The following RIPK4 variants were observed in gnomAD, a reference collection of about 807,000 sequenced individuals.
RIPK4 encodes receptor-interacting serine/threonine-protein kinase 4.
Under a neutral mutation model 42.9 loss-of-function variants are expected in RIPK4, and 17 were observed. The ratio of observed to expected loss-of-function variants is 0.40; its 90% CI spans 0.27 to 0.59. RIPK4 has a LOEUF of 0.59. Ranked by LOEUF, RIPK4 falls within the 20% of genes least tolerant of loss-of-function variation. RIPK4 has a pLI of 0.47. For synonymous variants in RIPK4, 498 were observed against 499.1 expected (o/e 1.00, Z 0.03); for missense variants, 897 against 1,104.4 (o/e 0.81, Z 2.66).
At chr21:41,759,999 G>A (rs2061216038) in intron 1 of RIPK4, among the ~76,000 whole-genome samples, 1 of 152,176 alleles carries the variant, frequency 6.6e-6, no homozygotes, top group Admixed American at 6.5e-5. Flanking sequence ...TCAATTAGAG[G>A]CAACTTCACC....
rs772586294 is a variant in RIPK4, at chr21:41,743,981, C to T, written c.1096G>A (p.Gly366Ser). Residue 366 changes from glycine (G) to serine (S), a missense_variant, in exon 7 of 8, where the codon GGC becomes AGC. Transcript: ENST00000332512. ...ACCCCCGAGAGCCTCTTCCCACTGC[C>T]GGACGATGGCAGCTTGGACTCAGAG... ...SSSESKLPSS[G>S]SGKRLSGVSS... The T allele has an allele frequency of 2.0e-5, 32 of 1,613,346 alleles. No individual in the cohort carries two copies. The highest frequency in any genetic ancestry group is 4.5e-5 in the East Asian group (2 of 44,884).
intron 4 of RIPK4, among the ~76,000 whole-genome samples, chr21:41,748,740 G>A (rs1569102612): frequency 6.6e-6 from 1 of 152,228 alleles, no homozygotes; most frequent in Non-Finnish European, 1.5e-5. Context: ...ACAGAAAGCA[G>A]GTGAGTGGTT....
At chr21:41,747,396 T>C (rs889914216) in intron 4 of RIPK4, among the ~76,000 whole-genome samples, 1 of 152,212 alleles carries the variant, frequency 6.6e-6, no homozygotes, top group African/African-American at 2.4e-5. Context: ...ATTATTATTA[T>C]TGCCACAACT....
chr21:41,744,359 C>G (rs909807031), intron 6 of RIPK4, among the ~76,000 whole-genome samples: 2 of 151,444 alleles, frequency 1.3e-5, no homozygotes, highest in East Asian at 3.9e-4. Flanking sequence ...CACAGCGCCG[C>G]GGAGCTCAGA....
At chr21:41,749,936 T>C (rs1210808487) in intron 3 of RIPK4, among the ~76,000 whole-genome samples, 2 of 146,348 alleles carry the variant, frequency 1.4e-5, no homozygotes, top group African/African-American at 5.1e-5. Flanking sequence ...GTCCGAAAAC[T>C]GAGCCTCCAA....
In RIPK4 at chr21:41,741,301, T is replaced by C. The variant is rs750432272; in HGVS notation, c.1892A>G (p.Asn631Ser). ...TGTCTGTGCCAGCAGGCTGCAGACG[T>C]TGACGTCGGAGCACAGGTCGATGAG... ...RILIDLCSDVNVCSLLAQTPL... is the reference protein window; with the variant it reads ...RILIDLCSDVSVCSLLAQTPL... Residue 631 changes from asparagine (N) to serine (S), a missense_variant, in exon 8 of 8, where the codon AAC becomes AGC. Physicochemically the swap from Asn to Ser is conservative, Grantham distance 46. Coordinates refer to ENST00000332512, the MANE Select transcript of RIPK4 (RefSeq NM_020639.3). 6 of 1,608,300 alleles carry C rather than the reference T, an allele frequency of 3.7e-6. No homozygotes were observed. Among genetic ancestry groups the C allele is most frequent in the South Asian group, 3.3e-5 (3 of 91,040 alleles).
intron 7 of RIPK4, 104 bp downstream of exon 7, chr21:41,743,778 G>T: frequency 7.3e-7 from 1 of 1,377,736 alleles, no homozygotes; most frequent in Non-Finnish European, 9.8e-7. Flanking sequence ...ATTCTTGCTG[G>T]GTCAAGAAAC....
Position 41,744,359 on chromosome 21 carries a change from C to T in RIPK4, c.937-219G>A, listed in dbSNP as rs909807031. Among the ~76,000 whole-genome samples, 20 of 151,566 alleles carry T rather than the reference C, an allele frequency of 1.3e-4. 2 individuals carry two copies. The highest frequency in any genetic ancestry group is 1.1e-3 in the Admixed American group (17 of 15,274). ...CAGACGCCATGTCCACACAGCGCCGCGGAGCTCAGACCCCGCGCCCGCACA... is the reference window on the plus strand; with the variant it reads ...CAGACGCCATGTCCACACAGCGCCGTGGAGCTCAGACCCCGCGCCCGCACA... On this transcript the variant is annotated intron_variant, in intron 6 of 7. Transcript: ENST00000332512.
chr21:41,758,037 T>G (rs530853841), intron 1 of RIPK4, among the ~76,000 whole-genome samples: 24 of 95,702 alleles, frequency 2.5e-4, no homozygotes, highest in East Asian at 7.4e-4. Context: ...TATATATATA[T>G]ATATAGAGAG....
chr21:41,766,383 A>C (rs1488827530), intron 1 of RIPK4, among the ~76,000 whole-genome samples: 1 of 152,228 alleles, frequency 6.6e-6, no homozygotes, highest in African/African-American at 2.4e-5. Context: ...TCCACTCACA[A>C]AGCCCAGAGG....
Position 41,761,886 on chromosome 21 carries a change from C to T in RIPK4, c.182+4974G>A, listed in dbSNP as rs988200181. 4.6e-5 allele frequency among the ~76,000 whole-genome samples: 7 copies of T among 152,184 alleles called. No individual in the cohort carries two copies. The East Asian group carries it at 5.8e-4, about 13-fold the overall frequency. ...AGCTCATTGGCGACTCTAACAGCTA[C>T]GGGCTGGCAGCAGTGCACACCCCTC... On this transcript the variant is annotated intron_variant, in intron 1 of 7. Transcript: ENST00000332512.
intron 4 of RIPK4, among the ~76,000 whole-genome samples, chr21:41,748,673 T>A (rs9979323): frequency 0.092 from 13,975 of 152,220 alleles, 832 homozygotes; most frequent in Admixed American, 0.14. Flanking sequence ...ACTATTTTTT[T>A]AAAAAGTAAA....
rs1388293532 is a variant in RIPK4 at position 41,751,906 on chromosome 21, G to A, written c.475-661C>T. 2.6e-5 allele frequency among the ~76,000 whole-genome samples: 4 copies of A among 152,142 alleles called. No homozygotes were observed. In the East Asian group the frequency reaches 7.7e-4, roughly 29 times the overall value. ...TCTGATAAACACCTCTGCTGGCAGCGCCCGGGCCCCAAGGAGCACCGGCCA... is the reference window on the plus strand; with the variant it reads ...TCTGATAAACACCTCTGCTGGCAGCACCCGGGCCCCAAGGAGCACCGGCCA... On this transcript the variant is annotated intron_variant, in intron 2 of 7. Transcript: ENST00000332512. The surrounding 1 kb of genome is among the most constrained non-coding windows in gnomAD (Gnocchi z 4.5).
intron 5 of RIPK4, chr21:41,746,103 G>T: frequency 1.5e-6 from 1 of 685,564 alleles, no homozygotes; most frequent in East Asian, 2.9e-5. Context: ...CCGGGGGAGC[G>T]CCACCTGCCA....
Position 41,744,028 on chromosome 21 carries a change from G to T in RIPK4, c.1049C>A (p.Pro350His). The change falls in exon 7 of 8, where the codon CCC (proline) becomes CAC (histidine). Residue 350 changes from proline to histidine, a missense_variant. Coordinates refer to ENST00000332512, the MANE Select transcript of RIPK4 (RefSeq NM_020639.3). ...DSGVSQAVEGPEELSRSSSES... is the reference protein window; with the variant it reads ...DSGVSQAVEGHEELSRSSSES... ...AGAGGAGCTGCGGCTGAGCTCCTCG[G>T]GGCCCTCGACAGCCTGGGAAACTCC... 2.5e-6 allele frequency: 4 copies of T among 1,613,270 alleles called. No homozygotes were observed. The highest frequency in any genetic ancestry group is 3.4e-6 in the Non-Finnish European group (4 of 1,179,990).
chr21:41,752,523 T>C (rs2061191588), intron 2 of RIPK4, among the ~76,000 whole-genome samples: 1 of 152,112 alleles, frequency 6.6e-6, no homozygotes, highest in South Asian at 2.1e-4. Flanking sequence ...GGCTCTCATG[T>C]CCTCCCACTT....
chr21:41,741,491 T>C lies in RIPK4; in HGVS notation c.1702A>G (p.Lys568Glu). Residue 568 changes from lysine (K) to glutamate (E), a missense_variant, in exon 8 of 8, where the codon AAG (lysine) becomes GAG (glutamate). Coordinates refer to ENST00000332512, the MANE Select transcript of RIPK4 (RefSeq NM_020639.3). ...RRGVDVSLQG[K>E]DAWLPLHYAA... is the part of the protein sequence containing the mutation. Reference sequence around the variant, plus strand: ...TAGTGCAGTGGCAGCCAGGCATCCTTGCCCTGCAGGCTCACGTCCACGCCT... The same window carrying C: ...TAGTGCAGTGGCAGCCAGGCATCCTCGCCCTGCAGGCTCACGTCCACGCCT... The C allele has an allele frequency of 6.2e-7, 1 of 1,612,634 alleles. No individual in the cohort carries two copies. The highest frequency in any genetic ancestry group is 8.5e-7 in the Non-Finnish European group (1 of 1,179,948).
At chr21:41,757,444 C>A (rs2061207121) in intron 1 of RIPK4, among the ~76,000 whole-genome samples, 1 of 151,588 alleles carries the variant, frequency 6.6e-6, no homozygotes, top group South Asian at 2.1e-4. Flanking sequence ...ATCACTTGAA[C>A]CAGGGAGGCA....
At chr21:41,756,399 C>G in intron 2 of RIPK4, 126 bp downstream of exon 2, 1 of 1,225,572 alleles carries the variant, frequency 8.2e-7, no homozygotes, top group Non-Finnish European at 1.1e-6. Context: ...CAAGCTCTTT[C>G]CTCCAAGAAG....
Sources: gnomAD v4.1 joint callset for allele counts (sites outside exome capture counted in the v4.1 genomes callset) on GRCh38, gnomAD v4.1.1 for gene constraint, Gnocchi (gnomAD v3.1) non-coding constraint, MANE v1.5 for transcripts, NCBI Gene and HGNC (gene_info 2026-07-23, HGNC 2026-07-21) for gene names.